The following MAML3 variants were observed in gnomAD, a reference collection of about 807,000 sequenced individuals.
MAML3 encodes mastermind-like protein 3.
A neutral mutation model predicts 101.9 loss-of-function variants in MAML3; 27 were observed. The observed-to-expected ratio is 0.27, with a 90% CI of 0.20 to 0.37. MAML3 has a LOEUF of 0.37. MAML3 is among the 10% of genes least tolerant of loss of function. MAML3 has a pLI of 1.00. For synonymous variants in MAML3, 501 were observed against 555.9 expected (o/e 0.90, Z 1.39); for missense variants, 1,316 against 1,444.9 (o/e 0.91, Z 1.45).
At chr4:140,058,818 T>C (rs922223059) in intron 1 of MAML3, among the ~76,000 whole-genome samples, 7 of 152,178 alleles carry the variant, frequency 4.6e-5, no homozygotes, top group African/African-American at 1.7e-4. Flanking sequence ...AGGACCTTCA[T>C]GTTATTGGCC....
chr4:139,894,703 C>T (rs749397751), intron 1 of MAML3, among the ~76,000 whole-genome samples: 3 of 141,892 alleles, frequency 2.1e-5, no homozygotes, highest in South Asian at 2.4e-4. Flanking sequence ...AAGGCCCTAA[C>T]GGGAACATGT....
chr4:140,003,320 C>T (rs1209453996), intron 1 of MAML3, among the ~76,000 whole-genome samples: 1 of 152,102 alleles, frequency 6.6e-6, no homozygotes, highest in Non-Finnish European at 1.5e-5. Context: ...CTAGAGGGAG[C>T]TCTCGGACAA....
intron 1 of MAML3, among the ~76,000 whole-genome samples, chr4:140,037,150 A>T (rs1373175466): frequency 6.6e-6 from 1 of 152,108 alleles, no homozygotes; most frequent in African/African-American, 2.4e-5. Flanking sequence ...AAAGTGAGGC[A>T]CTAAGAACCC....
chr4:139,779,165 A>T (rs949402524), intron 2 of MAML3, among the ~76,000 whole-genome samples: 4 of 152,266 alleles, frequency 2.6e-5, no homozygotes, highest in Middle Eastern at 3.4e-3. Flanking sequence ...CCAGTTAGCC[A>T]AGGCCTTTTG....
At chr4:139,963,905 G>C (rs1421446386) in intron 1 of MAML3, among the ~76,000 whole-genome samples, 3 of 152,130 alleles carry the variant, frequency 2.0e-5, no homozygotes, top group African/African-American at 7.2e-5. Flanking sequence ...TGTTCCACAG[G>C]AGACAACCCT....
intron 1 of MAML3, among the ~76,000 whole-genome samples, chr4:139,992,404 T>C (rs955308988): frequency 3.9e-5 from 6 of 152,356 alleles, no homozygotes; most frequent in Non-Finnish European, 8.8e-5. Context: ...AAGTTTTCCT[T>C]AGAGTTTAAA....
intron 1 of MAML3, among the ~76,000 whole-genome samples, chr4:140,016,264 A>T (rs536770774): frequency 1.3e-5 from 2 of 152,346 alleles, no homozygotes; most frequent in African/African-American, 4.8e-5. Context: ...AAACTAAAAA[A>T]TTCTGATGAA....
Position 139,753,387 on chromosome 4 carries a change from T to TC in MAML3, c.2080-22721_2080-22720insG, listed in dbSNP as rs34452187. Among the ~76,000 whole-genome samples the TC allele has an allele frequency of 5.3e-5, 8 of 150,768 alleles. No homozygotes were observed. The South Asian group carries it at 6.3e-4, about 12-fold the overall frequency. On this transcript the variant is annotated intron_variant, in intron 2 of 4. Transcript: ENST00000509479. ...ATCTATCTATCTATCTATCTATCTA[T>TC]TTTTTGTTAGGAGCATTTTAACTGC...
intron 2 of MAML3, among the ~76,000 whole-genome samples, chr4:139,885,508 C>T (rs1293070476): frequency 6.6e-6 from 1 of 151,814 alleles, no homozygotes; most frequent in Non-Finnish European, 1.5e-5. Flanking sequence ...CACATGTACC[C>T]CATAAATATG....
chr4:139,778,518 G>C (rs1730133850), intron 2 of MAML3, among the ~76,000 whole-genome samples: 3 of 152,226 alleles, frequency 2.0e-5, no homozygotes, highest in Admixed American at 2.0e-4. Flanking sequence ...TATCTCACTT[G>C]AAAACCATTG....
intron 1 of MAML3, among the ~76,000 whole-genome samples, chr4:139,934,488 C>T (rs1733467741): frequency 2.0e-5 from 3 of 152,134 alleles, no homozygotes; most frequent in Admixed American, 6.5e-5. Flanking sequence ...GTGCATGCGG[C>T]GGTGATGTCA....
intron 1 of MAML3, among the ~76,000 whole-genome samples, chr4:139,896,649 T>TGAGA (rs147800631): frequency 7.5e-5 from 11 of 147,048 alleles, no homozygotes; most frequent in South Asian, 2.1e-4. Flanking sequence ...GGTGTGTGTG[T>TGAGA]GTGAGAGAGA....
chr4:139,864,674 CAAAAAA>C (rs70943450), intron 2 of MAML3, among the ~76,000 whole-genome samples: 5 of 69,502 alleles, frequency 7.2e-5, no homozygotes, highest in African/African-American at 2.7e-4. Context: ...GGCTCCGTCT[CAAAAAA>C]AAAAAAAAAA....
intron 1 of MAML3, among the ~76,000 whole-genome samples, chr4:139,917,961 G>C (rs1161663010): frequency 1.3e-5 from 2 of 152,008 alleles, no homozygotes; most frequent in African/African-American, 4.8e-5. Context: ...CTTTATAAAG[G>C]GAATAATCAG....
intron 1 of MAML3, among the ~76,000 whole-genome samples, chr4:139,911,233 T>C (rs1450322236): frequency 6.6e-6 from 1 of 152,082 alleles, no homozygotes; most frequent in East Asian, 1.9e-4. Flanking sequence ...CTTTTTTTTT[T>C]TTGCGATGGA....
chr4:139,909,677 A>G (rs1365335032), intron 1 of MAML3, among the ~76,000 whole-genome samples: 3 of 151,938 alleles, frequency 2.0e-5, no homozygotes, highest in African/African-American at 7.3e-5. Flanking sequence ...TTTCTACTAA[A>G]AATACAAAAA....
rs1480926325 is a variant in MAML3 at position 139,879,536 on chromosome 4, A to AG, written c.2079+9820_2079+9821insC. ...GTGAGGCTCTGACTGAAAAAAAAAA[A>AG]AAAAGAAAAGAAAAGAAAAGAAAAA... is the stretch of plus-strand genomic sequence containing the variant. On this transcript the variant is annotated intron_variant, in intron 2 of 4. Transcript: ENST00000509479. Among the ~76,000 whole-genome samples, 131 of 148,652 alleles carry AG rather than the reference A, an allele frequency of 8.8e-4. 2 individuals are homozygous for AG. The highest frequency in any genetic ancestry group is 1.7e-3 in the Admixed American group (25 of 14,944).
intron 2 of MAML3, among the ~76,000 whole-genome samples, chr4:139,824,894 T>G (rs6536499): frequency 0.44 from 66,026 of 150,796 alleles, 14,587 homozygotes; most frequent in Admixed American, 0.47. Context: ...CCTCTATTTT[T>G]CAGTTCTTGC....
intron 2 of MAML3, among the ~76,000 whole-genome samples, chr4:139,737,862 T>G (rs1176816263): frequency 6.6e-6 from 1 of 152,206 alleles, no homozygotes; most frequent in Non-Finnish European, 1.5e-5. Context: ...CTCAGCAGAT[T>G]ATTGAAGAAG....
Sources: gnomAD v4.1 joint callset for allele counts (sites outside exome capture counted in the v4.1 genomes callset) on GRCh38, gnomAD v4.1.1 for gene constraint, MANE v1.5 for transcripts, NCBI Gene and HGNC (gene_info 2026-07-23, HGNC 2026-07-21) for gene names.